Variants in PTGER3 observed in about 807,000 individuals in gnomAD.
PTGER3 encodes the protein prostaglandin E receptor 3.
PTGER3 carries 22 observed loss-of-function variants against 34.7 expected under a neutral mutation model. That is an observed-to-expected ratio of 0.63 (90% CI 0.45 to 0.91). The LOEUF (loss-of-function observed/expected upper bound fraction) is 0.91, where lower values mean the gene tolerates loss of function less well. Ranked by LOEUF, PTGER3 falls within the 40% of genes least tolerant of loss-of-function variation. The pLI is 0.00. For missense variants in PTGER3, 468 were observed against 519.4 expected, an observed-to-expected ratio of 0.90 and a Z score of 0.96; for synonymous variants, 241 against 230.1, an observed-to-expected ratio of 1.05 and a Z score of -0.43.
chr1:70,876,295 T>G (rs1442332668), intron 4 of PTGER3, among the ~76,000 whole-genome samples: 4 of 151,286 alleles, frequency 2.6e-5, no homozygotes, highest in Non-Finnish European at 5.9e-5. Context: ...TTTTTTTTTT[T>G]GCTTATTAAT....
chr1:70,865,601 A>G lies in PTGER3; in HGVS notation c.*24-12742T>C. On this transcript the variant is annotated intron_variant, in intron 4 of 4. Transcript: ENST00000370931. ...TGGGACAACAGAGATGAAAGATGGT[A>G]AGTTATTTTTGGAGCATGTTTCATT... is the stretch of plus-strand genomic sequence containing the variant. The G allele has an allele frequency of 3.2e-6, 4 of 1,266,354 alleles. No individual in the cohort carries two copies. The South Asian group carries it at 5.0e-5, about 16-fold the overall frequency. The allele number at this position is 1,266,354 out of a possible 1,614,324, so 78.4% of individuals were successfully genotyped here.
chr1:70,875,765 T>A (rs1348930722), intron 4 of PTGER3, among the ~76,000 whole-genome samples: 1 of 152,216 alleles, frequency 6.6e-6, no homozygotes, highest in Non-Finnish European at 1.5e-5. Flanking sequence ...GATTATGGCC[T>A]CCAGCTTTAT....
exon 5 of PTGER3, chr1:70,852,434 G>A (rs1308455665): frequency 1.7e-5 from 3 of 174,300 alleles, no homozygotes; most frequent in Admixed American, 6.4e-5. Context: ...TTCCCTTGGC[G>A]GGAGATTGTA....
chr1:71,016,640 T>C (rs979804717), intron 1 of PTGER3, among the ~76,000 whole-genome samples: 1 of 151,820 alleles, frequency 6.6e-6, no homozygotes, highest in Non-Finnish European at 1.5e-5. Context: ...CTGTCTCTAT[T>C]AAAAACACAA....
chr1:70,987,327 G>A (rs189548978), intron 2 of PTGER3, among the ~76,000 whole-genome samples: 1 of 152,296 alleles, frequency 6.6e-6, no homozygotes, highest in Admixed American at 6.5e-5. Context: ...GTTATGTTTT[G>A]TTGTATAATC....
chr1:71,025,131 C>CCCTTCCTTCCTTCCTTCCTTCCTT lies in PTGER3; in HGVS notation c.898-12671_898-12648dup, dbSNP rs3044608. On this transcript the variant is annotated intron_variant, in intron 1 of 3. Coordinates refer to ENST00000306666, the MANE Select transcript of PTGER3 (RefSeq NM_198719.2). The stretch of plus-strand genomic sequence containing the variant: ...ATTCAATCCTTTTCAAGATTCCAGG[C>CCCTTCCTTCCTTCCTTCCTTCCTT]CCTTCCTTCCTTCCTTCCTTCCTTC... 3.3e-3 allele frequency among the ~76,000 whole-genome samples: 409 copies of CCCTTCCTTCCTTCCTTCCTTCCTT among 124,404 alleles called. 7 individuals are homozygous for CCCTTCCTTCCTTCCTTCCTTCCTT. Among genetic ancestry groups the CCCTTCCTTCCTTCCTTCCTTCCTT allele is most frequent in the African/African-American group, 0.012 (367 of 30,912 alleles). 81.6% of individuals were successfully genotyped at this position (124,404 alleles called of 152,430 possible).
chr1:71,016,788 G>A (rs1270428552), intron 1 of PTGER3, among the ~76,000 whole-genome samples: 1 of 148,182 alleles, frequency 6.7e-6, no homozygotes, highest in East Asian at 2.0e-4. Context: ...GGATGACAGA[G>A]TGAGACTTGG....
At chr1:70,933,502 C>A (rs577418011) in intron 4 of PTGER3, among the ~76,000 whole-genome samples, 2 of 152,268 alleles carry the variant, frequency 1.3e-5, no homozygotes, top group African/African-American at 4.8e-5. Flanking sequence ...ATATTTTCCC[C>A]AAATAAACAT....
intron 1 of PTGER3, among the ~76,000 whole-genome samples, chr1:71,017,621 G>A (rs1572941964): frequency 6.6e-6 from 1 of 152,224 alleles, no homozygotes; most frequent in South Asian, 2.1e-4. Context: ...GACTTCTCAT[G>A]AGATATGCTT....
downstream of PTGER3, among the ~76,000 whole-genome samples, chr1:70,968,792 CAA>C (rs1298928298): frequency 6.6e-6 from 1 of 151,594 alleles, no homozygotes; most frequent in Non-Finnish European, 1.5e-5. Flanking sequence ...ACTAATTGGA[CAA>C]AGATATTTCT....
At chr1:71,029,051 CA>C (rs1191448558) in intron 1 of PTGER3, among the ~76,000 whole-genome samples, 1 of 151,976 alleles carries the variant, frequency 6.6e-6, no homozygotes, top group Non-Finnish European at 1.5e-5. Context: ...TAAAATAAAA[CA>C]AAAAACAGGA....
intron 4 of PTGER3, among the ~76,000 whole-genome samples, chr1:70,861,416 C>T (rs1179104619): frequency 1.3e-5 from 2 of 152,144 alleles, no homozygotes; most frequent in Non-Finnish European, 2.9e-5. Flanking sequence ...TAAATGTTGA[C>T]CACCCATCAA....
chr1:70,862,027 T>A (rs1645938095), intron 4 of PTGER3, among the ~76,000 whole-genome samples: 1 of 151,840 alleles, frequency 6.6e-6, no homozygotes, highest in Non-Finnish European at 1.5e-5. Flanking sequence ...CAATGAAAAG[T>A]GGATGATTGA....
intron 4 of PTGER3, among the ~76,000 whole-genome samples, chr1:70,944,093 T>C (rs1456442980): frequency 6.6e-6 from 1 of 152,124 alleles, no homozygotes; most frequent in African/African-American, 2.4e-5. Context: ...AGTTGACATA[T>C]GTAATTTTTA....
downstream of PTGER3, among the ~76,000 whole-genome samples, chr1:70,969,356 A>G (rs1034529519): frequency 6.6e-6 from 1 of 152,202 alleles, no homozygotes; most frequent in African/African-American, 2.4e-5. Context: ...ATGTTCACTT[A>G]TGTTAATCTT....
chr1:71,021,126 A>G (rs66944390), intron 1 of PTGER3, among the ~76,000 whole-genome samples: 18,913 of 152,108 alleles, frequency 0.12, 1,234 homozygotes, highest in East Asian at 0.23. Context: ...ATATTGCTTG[A>G]ATTTCTTGCT....
At chr1:70,975,564 T>C (rs975480122) in intron 2 of PTGER3, among the ~76,000 whole-genome samples, 1 of 152,162 alleles carries the variant, frequency 6.6e-6, no homozygotes, top group African/African-American at 2.4e-5. Context: ...CCATTTTAAG[T>C]GGCATGGCAT....
At chr1:71,019,330 A>G (rs928248323) in intron 1 of PTGER3, among the ~76,000 whole-genome samples, 1 of 152,176 alleles carries the variant, frequency 6.6e-6, no homozygotes, top group African/African-American at 2.4e-5. Context: ...GCCTCATATA[A>G]CAAATGATCT....
intron 4 of PTGER3, among the ~76,000 whole-genome samples, chr1:70,874,440 G>A (rs1338561076): frequency 6.6e-6 from 1 of 152,102 alleles, no homozygotes; most frequent in Non-Finnish European, 1.5e-5. Context: ...TCCTCTGGCT[G>A]GTTCCTTGGG....
Sources: allele counts gnomAD v4.1 joint callset (sites outside exome capture counted in the v4.1 genomes callset), GRCh38; gene constraint gnomAD v4.1.1; transcripts MANE v1.5; gene names NCBI Gene and HGNC (gene_info 2026-07-23, HGNC 2026-07-21).